ZC3H13: variants seen among roughly 807,000 people sequenced by gnomAD.
ZC3H13 encodes the protein zinc finger CCCH domain-containing protein 13.
In ZC3H13, 64 loss-of-function variants were observed where a neutral mutation model predicts 204.1. That is an observed-to-expected ratio of 0.31 (90% confidence interval 0.26 to 0.39). The LOEUF (loss-of-function observed/expected upper bound fraction) is 0.39. Ranked by LOEUF, ZC3H13 falls within the 10% of genes least tolerant of loss-of-function variation. The probability of loss-of-function intolerance (pLI) is 1.00; values close to 1 mark genes in which losing one functional copy is unlikely to be tolerated. For missense variants in ZC3H13, 1,833 were observed against 2,082.7 expected (o/e 0.88, Z 2.33); for synonymous variants, 667 against 693.7 (o/e 0.96, Z 0.60).
chr13:46,031,053 A>G (rs970718144), intron 4 of ZC3H13, among the ~76,000 whole-genome samples: 1 of 152,166 alleles, frequency 6.6e-6, no homozygotes, highest in Non-Finnish European at 1.5e-5. Flanking sequence ...CAATCAAGAC[A>G]GTGTGGGACG....
intron 4 of ZC3H13, among the ~76,000 whole-genome samples, chr13:46,040,597 C>G (rs2043510781): frequency 6.6e-6 from 1 of 151,832 alleles, no homozygotes; most frequent in South Asian, 2.1e-4. Flanking sequence ...AAAACAAAAA[C>G]AGGTAAGTCA....
At chr13:46,007,403 C>G (rs1339437958) in intron 7 of ZC3H13, among the ~76,000 whole-genome samples, 1 of 152,084 alleles carries the variant, frequency 6.6e-6, no homozygotes, top group Non-Finnish European at 1.5e-5. Flanking sequence ...CTTGAAAACC[C>G]AAGAAAGTGG....
rs1195652041 is a variant in ZC3H13 at position 46,003,225 on chromosome 13, T to C, written c.858A>G (p.Val286=). ...TTGTTTTTTCTTCTATCCTGTCTTT[T>C]ACTTTATATTTTTCTTTGTATTTTT... The part of the protein sequence containing the change: ...LGKKYKEKYK[V]KDRIEEKTRD... Residue 286 remains valine, a synonymous_variant, in exon 8 of 19, where the codon GTA becomes GTG. Transcript: ENST00000679008. 6 of 1,613,272 alleles carry C rather than the reference T, an allele frequency of 3.7e-6. No individual in the cohort carries two copies. In the African/African-American group the frequency reaches 4.0e-5, roughly 11 times the overall value.
Position 45,963,960 on chromosome 13 carries a change from G to T in ZC3H13, c.4557C>A (p.Leu1519=). Residue 1519 remains leucine, a synonymous_variant, in exon 17 of 19, where the codon CTC becomes CTA. Transcript: ENST00000679008. ...TAACAGCTCCAGGTGTGAATTTTAAGAGTGCAGCCCCAGGCTCTCGTGGTT... is the reference window on the plus strand; with the variant it reads ...TAACAGCTCCAGGTGTGAATTTTAATAGTGCAGCCCCAGGCTCTCGTGGTT... ...PKEPREPGAA[L]LKFTPGAVML... 1.2e-6 allele frequency: 2 copies of T among 1,614,142 alleles called. No individual in the cohort carries two copies. The highest frequency in any genetic ancestry group is 4.5e-5 in the East Asian group (2 of 44,874).
At chr13:46,036,375 G>C (rs975470038) in intron 4 of ZC3H13, among the ~76,000 whole-genome samples, 1 of 152,130 alleles carries the variant, frequency 6.6e-6, no homozygotes, top group Non-Finnish European at 1.5e-5. Context: ...ACTGAGAATT[G>C]AAAAAGTAAT....
At chr13:45,980,098 T>C in intron 10 of ZC3H13, 94 bp from the exon 11 acceptor site, 6 of 1,060,124 alleles carry the variant, frequency 5.7e-6, no homozygotes, top group South Asian at 3.9e-5. Context: ...ATCACTAATA[T>C]ATATATTTAA....
Position 45,969,417 on chromosome 13 carries a change from C to T in ZC3H13, c.3127G>A (p.Val1043Ile). 6.2e-7 allele frequency: 1 copy of T among 1,614,126 alleles called. No homozygotes were observed. Among genetic ancestry groups the T allele is most frequent in the Non-Finnish European group, 8.5e-7 (1 of 1,180,006 alleles). ...TPPITTKEELVEMCNGKNGIL... is the reference protein window; with the variant it reads ...TPPITTKEELIEMCNGKNGIL... ...CCATTCTTACCATTGCACATTTCAACCAATTCCTCTTTAGTTGTTATAGGG... is the reference window on the plus strand; with the variant it reads ...CCATTCTTACCATTGCACATTTCAATCAATTCCTCTTTAGTTGTTATAGGG... Residue 1043 changes from valine (V) to isoleucine (I), a missense_variant, in exon 14 of 19, where the codon GTT (valine) becomes ATT (isoleucine). Physicochemically the swap from Val to Ile is conservative, Grantham distance 29. Coordinates refer to ENST00000679008, the MANE Select transcript of ZC3H13 (RefSeq NM_001330564.2).
chr13:46,049,145 C>T (rs1162105858), intron 1 of ZC3H13, among the ~76,000 whole-genome samples: 3 of 133,004 alleles, frequency 2.3e-5, no homozygotes, highest in Admixed American at 7.8e-5. Context: ...AGGGAGACTC[C>T]GTCTCAAAAA....
Position 45,975,610 on chromosome 13 carries a change from T to A in ZC3H13, c.2141A>T (p.Glu714Val). The change falls in exon 12 of 19, where the codon GAA becomes GTA. Residue 714 changes from glutamate (E) to valine (V), a missense_variant. Physicochemically the swap from Glu to Val is moderately radical, Grantham distance 121. Transcript: ENST00000679008. ...CTCTTTTTCTCTTTCTCTCTCCCGT[T>A]CCCTAGCACGCTCTCTTTCTAGTTC... ...ERELERERAREREREREKERD... is the reference protein window; with the variant it reads ...ERELERERARVREREREKERD... 1.9e-6 allele frequency: 3 copies of A among 1,571,942 alleles called. No individual in the cohort carries two copies. The highest frequency in any genetic ancestry group is 2.6e-6 in the Non-Finnish European group (3 of 1,158,166).
At chr13:45,997,675 T>TA (rs1723309411) in intron 8 of ZC3H13, among the ~76,000 whole-genome samples, 1 of 152,194 alleles carries the variant, frequency 6.6e-6, no homozygotes, top group South Asian at 2.1e-4. Flanking sequence ...TAGAAGGATT[T>TA]AAAGTCAGAG....
intron 8 of ZC3H13, among the ~76,000 whole-genome samples, chr13:45,994,588 G>A (rs1052606780): frequency 8.5e-5 from 13 of 152,268 alleles, no homozygotes; most frequent in Admixed American, 3.9e-4. Flanking sequence ...ATGTGATCAA[G>A]GGTTAGAAAA....
At position 45,975,565 on chromosome 13, in the gene ZC3H13, C is replaced by T. The variant is rs868103231; in HGVS notation, c.2186G>A (p.Arg729Lys). ...REKERDRERD[R>K]DRDHDRERER... ...CCGCTCTCGATCGTGGTCTCGGTCT[C>T]TATCCCTTTCACGATCTCTCTCTTT... Residue 729 changes from arginine (R) to lysine (K), a missense_variant, in exon 12 of 19, where the codon AGA (arginine) becomes AAA (lysine). This residue lies in a region of ZC3H13 where 1,574 missense variants were observed against 1,757.2 expected (regional missense o/e 0.90). Coordinates refer to ENST00000679008, the MANE Select transcript of ZC3H13 (RefSeq NM_001330564.2). 1.7e-5 allele frequency: 27 copies of T among 1,579,286 alleles called. No homozygotes were observed. The highest frequency in any genetic ancestry group is 2.2e-5 in the Non-Finnish European group (26 of 1,162,602).
chr13:46,038,092 G>A (rs77533670), intron 4 of ZC3H13, among the ~76,000 whole-genome samples: 1 of 152,168 alleles, frequency 6.6e-6, no homozygotes, highest in Non-Finnish European at 1.5e-5. Flanking sequence ...ATCTCAGCAT[G>A]TCTCTTTTCT....
intron 4 of ZC3H13, among the ~76,000 whole-genome samples, chr13:46,031,253 G>T (rs899113209): frequency 4.6e-5 from 7 of 151,880 alleles, no homozygotes; most frequent in Admixed American, 1.3e-4. Flanking sequence ...TAAATAAAAA[G>T]AATCTAGACA....
intron 4 of ZC3H13, among the ~76,000 whole-genome samples, chr13:46,032,182 AG>A (rs1253510278): frequency 6.6e-6 from 1 of 152,156 alleles, no homozygotes; most frequent in East Asian, 1.9e-4. Context: ...ATGCTGGGGG[AG>A]GAAGTGTTAT....
In ZC3H13 at chr13:46,052,613, C is replaced by T; in HGVS notation, c.-219G>A. The T allele has an allele frequency of 2.5e-6, 1 of 398,750 alleles. No individual in the cohort carries two copies. The allele number at this position is 398,750 out of a possible 1,614,324, so 24.7% of individuals were successfully genotyped here. A position where few individuals can be genotyped will look rare whatever the true frequency, so the allele number is the denominator to read the frequency against. ...AGAAGCAGAACCAACCCGCCCGCCG[C>T]CTCTCCAGGGTCAAGCGAAACTGGG... On this transcript the variant is annotated 5_prime_UTR_variant, in exon 1 of 19. Transcript: ENST00000679008.
At chr13:46,044,407 T>C (rs183759686) in intron 3 of ZC3H13, among the ~76,000 whole-genome samples, 1 of 152,166 alleles carries the variant, frequency 6.6e-6, no homozygotes, top group Non-Finnish European at 1.5e-5. Context: ...GCAAGTTTAA[T>C]CTAGCCAAGC....
At chr13:45,961,409 G>C (rs571863731) in intron 17 of ZC3H13, among the ~76,000 whole-genome samples, 38 of 151,858 alleles carry the variant, frequency 2.5e-4, no homozygotes, top group African/African-American at 8.9e-4. Flanking sequence ...TAAATTTCCA[G>C]TCTCTTTAAA....
intron 8 of ZC3H13, among the ~76,000 whole-genome samples, chr13:46,002,685 TA>T (rs2040834565): frequency 6.6e-6 from 1 of 152,152 alleles, no homozygotes; most frequent in South Asian, 2.1e-4. Flanking sequence ...ACAAACACTG[TA>T]TGATTCCACT....
Sources: allele counts gnomAD v4.1 joint callset (sites outside exome capture counted in the v4.1 genomes callset), GRCh38; gene constraint gnomAD v4.1.1; regional missense constraint gnomAD v4.1.1; transcripts MANE v1.5; gene names NCBI Gene and HGNC (gene_info 2026-07-23, HGNC 2026-07-21).